SEMA5A: variants seen among roughly 807,000 people sequenced by gnomAD.
SEMA5A encodes the protein semaphorin 5A.
Under a neutral mutation model 135.5 loss-of-function variants are expected in SEMA5A, and 55 were observed. The ratio of observed to expected loss-of-function variants is 0.41; its 90% CI spans 0.33 to 0.51. The LOEUF (loss-of-function observed/expected upper bound fraction) is 0.51, where lower values mean the gene tolerates loss of function less well. Among genes scored for constraint, SEMA5A ranks in the 20% least tolerant of loss-of-function variants. The pLI is 0.37. For synonymous variants in SEMA5A, 580 were observed against 546.5 expected (o/e 1.06, Z -0.85); for missense variants, 1,290 against 1,419.9 (o/e 0.91, Z 1.47).
At chr5:9,098,846 A>T (rs1739469009) in intron 16 of SEMA5A, among the ~76,000 whole-genome samples, 1 of 152,220 alleles carries the variant, frequency 6.6e-6, no homozygotes, top group African/African-American at 2.4e-5. Flanking sequence ...AATTTATTGG[A>T]AAGTTATAAA....
chr5:9,097,570 C>T lies in SEMA5A; in HGVS notation c.2073+10570G>A, dbSNP rs117824874. 6.6e-5 allele frequency among the ~76,000 whole-genome samples: 10 copies of T among 152,294 alleles called. No individual in the cohort carries two copies. In the East Asian group the frequency reaches 1.9e-3, roughly 29 times the overall value. On this transcript the variant is annotated intron_variant, in intron 16 of 22. Coordinates refer to ENST00000382496, the MANE Select transcript of SEMA5A (RefSeq NM_003966.3). Reference sequence around the variant, plus strand: ...CTGAGAGGCAATATGCTGGCCTCTGCAATATGGAACCTACAATGGGTAATG... The same window carrying T: ...CTGAGAGGCAATATGCTGGCCTCTGTAATATGGAACCTACAATGGGTAATG...
intron 11 of SEMA5A, among the ~76,000 whole-genome samples, chr5:9,164,077 TATAATTATA>T (rs1279388001): frequency 5.2e-5 from 1 of 19,260 alleles, no homozygotes; most frequent in African/African-American, 1.3e-4. Flanking sequence ...ATATAATTTA[TATAATTATA>T]AATATATCAT....
intron 5 of SEMA5A, among the ~76,000 whole-genome samples, chr5:9,308,349 G>A (rs1049837353): frequency 4.6e-5 from 7 of 152,100 alleles, no homozygotes; most frequent in African/African-American, 7.2e-5. Context: ...CGAAGAACAA[G>A]GGAGAGTTGG....
At chr5:9,059,573 A>G (rs1359098893) in intron 18 of SEMA5A, among the ~76,000 whole-genome samples, 1 of 152,206 alleles carries the variant, frequency 6.6e-6, no homozygotes, top group Non-Finnish European at 1.5e-5. Context: ...ATTTTGAGAC[A>G]GAATCTCACT....
chr5:9,097,755 C>T (rs1394028488), intron 16 of SEMA5A, among the ~76,000 whole-genome samples: 1 of 152,146 alleles, frequency 6.6e-6, no homozygotes, highest in African/African-American at 2.4e-5. Flanking sequence ...GGAACCATGG[C>T]CCAGCCTGTA....
At chr5:9,407,775 T>G (rs1341957741) in intron 2 of SEMA5A, among the ~76,000 whole-genome samples, 2 of 152,156 alleles carry the variant, frequency 1.3e-5, no homozygotes, top group Admixed American at 6.5e-5. Context: ...GTTGATGCAG[T>G]GGCCTGCCAG....
At chr5:9,488,909 T>G (rs1280780529) in intron 1 of SEMA5A, among the ~76,000 whole-genome samples, 2 of 152,172 alleles carry the variant, frequency 1.3e-5, no homozygotes, top group African/African-American at 4.8e-5. Context: ...GCATTTTAAG[T>G]CAACACCATC....
In SEMA5A at chr5:9,154,465, T is replaced by C; in HGVS notation, c.1481+23A>G. 2.5e-6 allele frequency: 4 copies of C among 1,610,906 alleles called. No individual in the cohort carries two copies. The South Asian group carries it at 4.4e-5, about 18-fold the overall frequency. ...GGCCCTTCACACACACACCAGTGCA[T>C]CCTGACCCCGGAGATGCCCTACCTG... On this transcript the variant is annotated intron_variant, in intron 12 of 22. Coordinates refer to ENST00000382496, the MANE Select transcript of SEMA5A (RefSeq NM_003966.3).
In SEMA5A at chr5:9,546,030, G is replaced by C. The variant is rs1275054284; in HGVS notation, c.-621C>G. On this transcript the variant is annotated 5_prime_UTR_variant, in exon 1 of 23. Transcript: ENST00000382496. ...CGGCGGGAAAGCAGCGCTCGGGAGC[G>C]GGCTCAGGGAGAGCAGCCGCCACCG... 3.3e-5 allele frequency: 5 copies of C among 152,124 alleles called. No homozygotes were observed. The East Asian group carries it at 9.8e-4, about 30-fold the overall frequency. The allele number at this position is 152,124 out of a possible 1,614,324, so 9.4% of individuals were successfully genotyped here. A position where few individuals can be genotyped will look rare whatever the true frequency, so the allele number is the denominator to read the frequency against.
chr5:9,543,444 C>A (rs996595452), intron 1 of SEMA5A, among the ~76,000 whole-genome samples: 6 of 152,132 alleles, frequency 3.9e-5, no homozygotes, highest in African/African-American at 1.4e-4. Flanking sequence ...TTTATTTTTA[C>A]CAAATTCTGA....
chr5:9,206,572 G>C (rs1746029371), intron 8 of SEMA5A, among the ~76,000 whole-genome samples: 1 of 152,058 alleles, frequency 6.6e-6, no homozygotes, highest in African/African-American at 2.4e-5. Context: ...GCATCAATAT[G>C]GGGGTACACC....
At chr5:9,530,132 C>T (rs527619716) in intron 1 of SEMA5A, among the ~76,000 whole-genome samples, 38 of 152,336 alleles carry the variant, frequency 2.5e-4, no homozygotes, top group South Asian at 6.2e-4. Context: ...TGACTCTCTG[C>T]CTCCTCTGGC....
intron 3 of SEMA5A, among the ~76,000 whole-genome samples, chr5:9,377,867 T>G (rs1755430977): frequency 6.6e-6 from 1 of 151,568 alleles, no homozygotes; most frequent in Non-Finnish European, 1.5e-5. Context: ...CAGAAATGAG[T>G]GATTCCCAGG....
At chr5:9,096,304 T>C (rs1020001038) in intron 16 of SEMA5A, among the ~76,000 whole-genome samples, 2 of 152,214 alleles carry the variant, frequency 1.3e-5, no homozygotes, top group African/African-American at 4.8e-5. Context: ...ATTCTACATA[T>C]TTGCTACTTT....
chr5:9,380,823 C>T (rs968564731), intron 2 of SEMA5A, among the ~76,000 whole-genome samples: 3 of 152,148 alleles, frequency 2.0e-5, no homozygotes, highest in South Asian at 2.1e-4. Flanking sequence ...AGGGAGAATA[C>T]GACTGCTACA....
intron 5 of SEMA5A, among the ~76,000 whole-genome samples, chr5:9,310,618 A>T (rs1752082186): frequency 6.6e-6 from 1 of 151,864 alleles, no homozygotes; most frequent in Non-Finnish European, 1.5e-5. Context: ...TTTAAATTAT[A>T]CAGAAGAATT....
chr5:9,194,733 G>A (rs1473968305), intron 10 of SEMA5A, among the ~76,000 whole-genome samples: 1 of 152,230 alleles, frequency 6.6e-6, no homozygotes, highest in Non-Finnish European at 1.5e-5. Context: ...GCTCAGGAAT[G>A]CAAGCTTCCT....
intron 5 of SEMA5A, among the ~76,000 whole-genome samples, chr5:9,291,591 G>C (rs1196849058): frequency 8.4e-6 from 1 of 118,882 alleles, no homozygotes; most frequent in Non-Finnish European, 2.1e-5. Flanking sequence ...GCAGGAAAGA[G>C]AGAGAGAGAG....
chr5:9,326,941 A>G (rs1012646030), intron 4 of SEMA5A, among the ~76,000 whole-genome samples: 1 of 152,212 alleles, frequency 6.6e-6, no homozygotes, highest in African/African-American at 2.4e-5. Context: ...ATAATTCACC[A>G]ATTCACCAGC....
Sources: gnomAD v4.1 joint callset for allele counts (sites outside exome capture counted in the v4.1 genomes callset) on GRCh38, gnomAD v4.1.1 for gene constraint, MANE v1.5 for transcripts, NCBI Gene and HGNC (gene_info 2026-07-23, HGNC 2026-07-21) for gene names.